BMP1: variants seen among roughly 807,000 people sequenced by gnomAD.
The protein encoded by BMP1 is bone morphogenetic protein 1, also known as mammalian tolloid protein.
A neutral mutation model predicts 116.8 loss-of-function variants in BMP1; 63 were observed. That is an observed-to-expected ratio of 0.54 (90% CI 0.44 to 0.67). The LOEUF (loss-of-function observed/expected upper bound fraction) is 0.67, where lower values mean the gene tolerates loss of function less well. Ranked by LOEUF, BMP1 falls within the 30% of genes least tolerant of loss-of-function variation. The pLI is 0.00. For missense variants in BMP1, 1,183 were observed against 1,358.9 expected, an observed-to-expected ratio of 0.87 and a Z score of 2.04; for synonymous variants, 536 against 533.4, an observed-to-expected ratio of 1.00 and a Z score of -0.07.
Position 22,179,970 on chromosome 8 carries a change from G to C in BMP1, c.961+141G>C, listed in dbSNP as rs575896429. ...GCGGGGGAGGGGACCCCATAGGAGG[G>C]GCAGTGTCCAAGTGAAGGAGGCCGC... On this transcript the variant is annotated intron_variant, in intron 7 of 19. Transcript: ENST00000306385. The surrounding 1 kb of genome is among the most constrained non-coding windows in gnomAD (Gnocchi z 4.6). 1 of 1,008,020 alleles carries C rather than the reference G, an allele frequency of 9.9e-7. No individual in the cohort carries two copies. The highest frequency in any genetic ancestry group is 2.7e-5 in the East Asian group (1 of 37,698). 62.4% of individuals were successfully genotyped at this position (1,008,020 alleles called of 1,614,324 possible). A position where few individuals can be genotyped will look rare whatever the true frequency, so the allele number is the denominator to read the frequency against.
At chr8:22,185,602 C>G (rs116046249) in intron 8 of BMP1, among the ~76,000 whole-genome samples, 2,350 of 152,066 alleles carry the variant, frequency 0.015, 68 homozygotes, top group African/African-American at 0.055. Flanking sequence ...TGATATGCTA[C>G]GTGTTCTTCA....
chr8:22,170,919 C>G (rs1377397665), intron 1 of BMP1: 1 of 151,916 alleles, frequency 6.6e-6, no homozygotes, highest in Non-Finnish European at 1.5e-5. Context: ...GAGTGAGACT[C>G]CATTTCAAAA....
chr8:22,201,684 C>T, intron 15 of BMP1, 119 bp from the exon 16 acceptor site: 1 of 1,504,822 alleles, frequency 6.6e-7, no homozygotes, highest in Non-Finnish European at 8.9e-7. Context: ...CTGGCCAGCT[C>T]TGCCAGCTGT....
chr8:22,178,542 C>G (rs1828521288), intron 6 of BMP1, among the ~76,000 whole-genome samples: 1 of 151,562 alleles, frequency 6.6e-6, no homozygotes, highest in South Asian at 2.1e-4. Flanking sequence ...TCCCAAAACG[C>G]TGAGATTACA....
At chr8:22,191,714 C>T (rs896770246) in intron 8 of BMP1, among the ~76,000 whole-genome samples, 3 of 152,248 alleles carry the variant, frequency 2.0e-5, no homozygotes, top group Admixed American at 1.3e-4. Flanking sequence ...TACCCTCACG[C>T]GGCCCTTGGC....
At chr8:22,169,183 T>TG (rs1828204223) in intron 1 of BMP1, among the ~76,000 whole-genome samples, 1 of 102,330 alleles carries the variant, frequency 9.8e-6, no homozygotes, top group Non-Finnish European at 2.0e-5. Flanking sequence ...CAAGACTCTG[T>TG]GAAAAAAAAA....
intron 1 of BMP1, among the ~76,000 whole-genome samples, chr8:22,169,029 C>T (rs542633125): frequency 3.3e-5 from 5 of 152,134 alleles, no homozygotes; most frequent in African/African-American, 1.2e-4. Flanking sequence ...ATTAGCTGGG[C>T]ATGGTGTCAT....
At chr8:22,187,363 GC>G (rs1828803525) in intron 8 of BMP1, among the ~76,000 whole-genome samples, 1 of 148,228 alleles carries the variant, frequency 6.7e-6, no homozygotes, top group Non-Finnish European at 1.5e-5. Context: ...ATGGAGTCTC[GC>G]TCTGTTGCCC....
chr8:22,201,192 AC>A, intron 15 of BMP1: 7 of 1,607,614 alleles, frequency 4.4e-6, no homozygotes, highest in Non-Finnish European at 5.9e-6. Flanking sequence ...AAGAAACCGG[AC>A]CCCCCAGTGA....
chr8:22,185,785 C>T (rs1308374310), intron 8 of BMP1, among the ~76,000 whole-genome samples: 8 of 148,216 alleles, frequency 5.4e-5, no homozygotes, highest in Non-Finnish European at 1.2e-4. Flanking sequence ...TCGCCCCTGG[C>T]TAATTTTTGT....
At chr8:22,209,828 C>T (rs1829430017) in intron 19 of BMP1, 133 bp downstream of exon 19, 1 of 997,906 alleles carries the variant, frequency 1.0e-6, no homozygotes, top group African/African-American at 1.6e-5. Context: ...GCGTGTGGCC[C>T]TGTGTGGGAG....
rs769286263 is a variant in BMP1 at position 22,196,699 on chromosome 8, C to T, written c.1785C>T (p.Leu595=). The T allele has an allele frequency of 1.9e-6, 3 of 1,614,122 alleles. No individual in the cohort carries two copies. The highest frequency in any genetic ancestry group is 1.1e-5 in the South Asian group (1 of 91,082). Residue 595 remains leucine (L), a synonymous_variant, in exon 14 of 20, where the codon CTC becomes CTT. Transcript: ENST00000306385. ...RRCEAACGGF[L]TKLNGSITSP... Reference sequence around the variant, plus strand: ...CCGCAGCTGCTTGTGGCGGATTCCTCACCAAGCTCAACGGCTCCATCACCA... The same window carrying T: ...CCGCAGCTGCTTGTGGCGGATTCCTTACCAAGCTCAACGGCTCCATCACCA...
intron 5 of BMP1, 40 bp downstream of exon 5, chr8:22,177,179 C>CCCG: frequency 1.3e-6 from 2 of 1,521,636 alleles, no homozygotes; most frequent in South Asian, 2.5e-5. Flanking sequence ...GTGGGCGGCT[C>CCCG]CCGCCCCAGC....
Position 22,199,397 on chromosome 8 carries a change from A to G in BMP1, c.2107+1977A>G, listed in dbSNP as rs1004525492. The G allele has an allele frequency of 5.5e-6, 7 of 1,270,630 alleles. No individual in the cohort carries two copies. The African/African-American group carries it at 7.8e-5, about 14-fold the overall frequency. The allele number at this position is 1,270,630 out of a possible 1,614,324, so 78.7% of individuals were successfully genotyped here. A position where few individuals can be genotyped will look rare whatever the true frequency, so the allele number is the denominator to read the frequency against. ...ATTTGGGCACTGTAGGGTGAGTGCC[A>G]TCTCCTTGCCTGGGCCCATGCCCAC... is the stretch of plus-strand genomic sequence containing the variant. On this transcript the variant is annotated intron_variant, in intron 15 of 19. Coordinates refer to ENST00000306385, the MANE Select transcript of BMP1 (RefSeq NM_006129.5).
Position 22,193,512 on chromosome 8 carries a change from G to A in BMP1, c.1181-546G>A, listed in dbSNP as rs1265467032. Among the ~76,000 whole-genome samples the A allele has an allele frequency of 5.3e-5, 8 of 152,184 alleles. No homozygotes were observed. In the East Asian group the frequency reaches 1.2e-3, roughly 22 times the overall value. ...ATAAAGATCTACCTTGGCCAGGCAC[G>A]GTGGCTCACACCTGAAATCCCAGAA... On this transcript the variant is annotated intron_variant, in intron 9 of 19. Coordinates refer to ENST00000306385, the MANE Select transcript of BMP1 (RefSeq NM_006129.5).
At chr8:22,193,154 C>T (rs1828982884) in intron 9 of BMP1, among the ~76,000 whole-genome samples, 1 of 152,186 alleles carries the variant, frequency 6.6e-6, no homozygotes, top group African/African-American at 2.4e-5. Flanking sequence ...CTAGTTGATT[C>T]TTGACTACAA....
Position 22,173,710 on chromosome 8 carries a change from C to T in BMP1, c.257C>T (p.Ala86Val). The T allele has an allele frequency of 6.2e-7, 1 of 1,610,182 alleles. No individual in the cohort carries two copies. The highest frequency in any genetic ancestry group is 8.5e-7 in the Non-Finnish European group (1 of 1,177,734). Reference sequence around the variant, plus strand: ...ACAGCTCGTAAGTCCTCCATCAAAGCTGCAGGTAAGCCGGGTGCCAATGGG... The same window carrying T: ...ACAGCTCGTAAGTCCTCCATCAAAGTTGCAGGTAAGCCGGGTGCCAATGGG... ...RHTARKSSIK[A>V]AVPGNTSTPS... The change falls in exon 2 of 20, where the codon GCT (alanine) becomes GTT (valine). Residue 86 changes from alanine (A) to valine (V), a missense_variant. Physicochemically the swap from Ala to Val is moderately conservative, Grantham distance 64. Around this residue, in one of 4 missense-constraint regions of BMP1, gnomAD observed 185 missense variants for 158.9 expected, o/e 1.16. Coordinates refer to ENST00000306385, the MANE Select transcript of BMP1 (RefSeq NM_006129.5).
At chr8:22,171,886 A>C (rs1173904072) in intron 1 of BMP1, among the ~76,000 whole-genome samples, 1 of 152,234 alleles carries the variant, frequency 6.6e-6, no homozygotes, top group Non-Finnish European at 1.5e-5. Context: ...CAATTCATTC[A>C]TTCGAACATC....
chr8:22,207,455 C>G lies in BMP1; in HGVS notation c.2514C>G (p.Phe838Leu), dbSNP rs1262729930. 28 of 1,613,994 alleles carry G rather than the reference C, an allele frequency of 1.7e-5. No homozygotes were observed. Among genetic ancestry groups the G allele is most frequent in the Non-Finnish European group, 2.4e-5 (28 of 1,180,048 alleles). The change falls in exon 18 of 20, where the codon TTC (phenylalanine) becomes TTG (leucine). Residue 838 changes from phenylalanine to leucine, a missense_variant. Transcript: ENST00000306385. ...EPVLATGSRM[F>L]LRFYSDNSVQ... ...TCCTGGCCACAGGCAGCCGCATGTT[C>G]CTGCGCTTCTACTCAGATAACTCGG...
Sources: allele counts gnomAD v4.1 joint callset (sites outside exome capture counted in the v4.1 genomes callset), GRCh38; gene constraint gnomAD v4.1.1; regional missense constraint gnomAD v4.1.1; non-coding constraint Gnocchi (gnomAD v3.1); transcripts MANE v1.5; gene names NCBI Gene and HGNC (gene_info 2026-07-23, HGNC 2026-07-21).